IGF2R: variants seen among roughly 807,000 people sequenced by gnomAD.
IGF2R encodes the protein cation-independent mannose-6-phosphate receptor.
IGF2R carries 91 observed loss-of-function variants against 270.6 expected under a neutral mutation model. The ratio of observed to expected loss-of-function variants is 0.34; its 90% CI spans 0.28 to 0.40. IGF2R has a LOEUF of 0.40. IGF2R is among the 10% of genes least tolerant of loss of function. The pLI, the probability that IGF2R is intolerant of heterozygous loss-of-function variation, is 1.00. For missense variants in IGF2R, 2,805 were observed against 3,188.3 expected (o/e 0.88, Z 2.90); for synonymous variants, 1,316 against 1,258.9 (o/e 1.05, Z -0.96).
intron 44 of IGF2R, 45 bp from the exon 45 acceptor site, chr6:160,096,394 G>C (rs1461210438): frequency 5.7e-6 from 9 of 1,566,708 alleles, no homozygotes; most frequent in Non-Finnish European, 7.9e-6. Flanking sequence ...GTCTGCTCGT[G>C]AAAAATGATG....
intron 22 of IGF2R, 131 bp downstream of exon 22, chr6:160,059,229 G>A: frequency 1.4e-6 from 1 of 703,316 alleles, no homozygotes; most frequent in South Asian, 2.2e-5. Context: ...CCTTGCTGCA[G>A]GAGCCATCAC....
intron 7 of IGF2R, 32 bp downstream of exon 7, chr6:160,029,687 G>T (rs746275392): frequency 6.7e-7 from 1 of 1,487,102 alleles, no homozygotes; most frequent in Non-Finnish European, 9.4e-7. Flanking sequence ...CACTAATGTG[G>T]CGCACAGTAG....
intron 7 of IGF2R, among the ~76,000 whole-genome samples, chr6:160,030,754 G>A (rs181826119): frequency 4.6e-5 from 7 of 151,778 alleles, no homozygotes; most frequent in Admixed American, 4.6e-4. Flanking sequence ...CTTCGAAGGG[G>A]TATGAGGCAT....
chr6:160,014,515 C>T (rs1348154219), intron 4 of IGF2R, among the ~76,000 whole-genome samples: 1 of 152,194 alleles, frequency 6.6e-6, no homozygotes, highest in Non-Finnish European at 1.5e-5. Context: ...CTGCCCCGAG[C>T]AGGGTGCTTG....
At chr6:160,100,801 T>G in intron 45 of IGF2R, among the ~76,000 whole-genome samples, 1 of 117,104 alleles carries the variant, frequency 8.5e-6, no homozygotes, top group Non-Finnish European at 1.7e-5. Context: ...TTTTTTTTTT[T>G]TTTTTTGGAG....
chr6:160,040,779 C>T (rs1777928491), intron 11 of IGF2R, 55 bp downstream of exon 11: 3 of 1,528,674 alleles, frequency 2.0e-6, no homozygotes, highest in East Asian at 4.6e-5. Context: ...GAACATTTTC[C>T]CATGAGTACT....
chr6:160,079,502 C>T (rs1001307665), intron 37 of IGF2R, 78 bp from the exon 38 acceptor site: 19 of 1,024,076 alleles, frequency 1.9e-5, no homozygotes, highest in Non-Finnish European at 2.2e-5. Context: ...CCAGCATCAG[C>T]TGCAATAGTG....
chr6:160,104,635 T>C (rs751483270), intron 47 of IGF2R, 39 bp from the exon 48 acceptor site: 2 of 1,582,598 alleles, frequency 1.3e-6, no homozygotes, highest in South Asian at 1.2e-5. Flanking sequence ...TGGGGTCTCT[T>C]AGGGGGCTCA....
At chr6:160,088,003 A>G (rs1214233367) in intron 41 of IGF2R, 30 bp from the exon 42 acceptor site, 1 of 1,392,686 alleles carries the variant, frequency 7.2e-7, no homozygotes, top group Non-Finnish European at 1.0e-6. Context: ...CACTAGAAAT[A>G]ATGTCAGTTC....
chr6:159,981,428 C>G (rs909445219), intron 1 of IGF2R, among the ~76,000 whole-genome samples: 4 of 152,130 alleles, frequency 2.6e-5, no homozygotes, highest in African/African-American at 4.8e-5. Context: ...GCCTGCCCGT[C>G]TCTCCCTCCA....
At chr6:160,025,115 C>G (rs1219764111) in intron 5 of IGF2R, among the ~76,000 whole-genome samples, 1 of 152,192 alleles carries the variant, frequency 6.6e-6, no homozygotes, top group Admixed American at 6.5e-5. Context: ...TTGGCCCAAG[C>G]TGACTTGTTC....
chr6:160,023,155 T>C (rs1291122919), intron 4 of IGF2R, among the ~76,000 whole-genome samples: 1 of 152,118 alleles, frequency 6.6e-6, no homozygotes, highest in Admixed American at 6.5e-5. Context: ...GTTAAGATAC[T>C]ATTGCAGGCA....
chr6:160,010,748 C>T lies in IGF2R; in HGVS notation c.476C>T (p.Ala159Val), dbSNP rs746593397. The T allele has an allele frequency of 3.1e-6, 5 of 1,611,884 alleles. No homozygotes were observed. Among genetic ancestry groups the T allele is most frequent in the Admixed American group, 3.3e-5 (2 of 60,014 alleles). Reference protein sequence around the residue: ...CVHYFEWRTTAACKKDIFKAN... With the variant: ...CVHYFEWRTTVACKKDIFKAN... ...CACTACTTTGAGTGGAGGACCACTG[C>T]AGCCTGCAAGAAAGACATATTTAAA... is the stretch of plus-strand genomic sequence containing the variant. The change falls in exon 4 of 48, where the codon GCA (alanine) becomes GTA (valine). Residue 159 changes from alanine to valine, a missense_variant. Transcript: ENST00000356956.
chr6:160,082,093 C>A (rs1583297803), intron 39 of IGF2R, among the ~76,000 whole-genome samples: 1 of 152,294 alleles, frequency 6.6e-6, no homozygotes, highest in East Asian at 1.9e-4. Context: ...AATGTATATT[C>A]TTCTGTCACG....
At chr6:160,047,465 T>C in intron 16 of IGF2R, 129 bp downstream of exon 16, 1 of 792,012 alleles carries the variant, frequency 1.3e-6, no homozygotes. Flanking sequence ...TTTGCCAGGG[T>C]GCCTGGGCAG....
At position 160,068,250 on chromosome 6, in the gene IGF2R, G is replaced by C. The variant is rs1227485481; in HGVS notation, c.4117G>C (p.Asp1373His). ...PFDLTECSFK[D>H]GAGNSFDLSS... ...AACTGCGGGTTTTCTTCTTTTCAGAGATGGGGCTGGCAACTCCTTCGACCT... is the reference window on the plus strand; with the variant it reads ...AACTGCGGGTTTTCTTCTTTTCAGACATGGGGCTGGCAACTCCTTCGACCT... Residue 1373 changes from aspartate to histidine, a missense_variant and splice_region_variant, in exon 30 of 48, where the codon GAT (aspartate) becomes CAT (histidine). Physicochemically the swap from Asp to His is moderately conservative, Grantham distance 81. Coordinates refer to ENST00000356956, the MANE Select transcript of IGF2R (RefSeq NM_000876.4). 6.2e-7 allele frequency: 1 copy of C among 1,614,152 alleles called. No homozygotes were observed.
chr6:160,006,613 A>C (rs1467515897), intron 2 of IGF2R: 1 of 152,258 alleles, frequency 6.6e-6, no homozygotes, highest in Non-Finnish European at 1.5e-5. Flanking sequence ...CAGGCAGAAG[A>C]ACCACGGGGC....
At chr6:159,989,960 G>T (rs1036697647) in intron 1 of IGF2R, among the ~76,000 whole-genome samples, 8 of 152,190 alleles carry the variant, frequency 5.3e-5, no homozygotes, top group African/African-American at 1.9e-4. Context: ...CTTTGCCAGA[G>T]GTTTGAACAA....
chr6:159,978,652 T>G lies in IGF2R; in HGVS notation c.149+9257T>G, dbSNP rs565889828. Among the ~76,000 whole-genome samples, 7 of 151,606 alleles carry G rather than the reference T, an allele frequency of 4.6e-5. No homozygotes were observed. In the East Asian group the frequency reaches 1.4e-3, roughly 29 times the overall value. On this transcript the variant is annotated intron_variant, in intron 1 of 47. Transcript: ENST00000356956. ...CATAAATTCCACCTTGCTGTGCAAC[T>G]TAAAAAAAAAAAGTACGGTCGTTTA...
Sources: allele counts gnomAD v4.1 joint callset (sites outside exome capture counted in the v4.1 genomes callset), GRCh38; gene constraint gnomAD v4.1.1; transcripts MANE v1.5; gene names NCBI Gene and HGNC (gene_info 2026-07-23, HGNC 2026-07-21).